SGCD: variants seen among roughly 807,000 people sequenced by gnomAD.
SGCD encodes the protein sarcoglycan delta, also known as delta-sarcoglycan.
SGCD carries 18 observed loss-of-function variants against 36.6 expected under a neutral mutation model. That is an observed-to-expected ratio of 0.49 (90% CI 0.34 to 0.73). The LOEUF (loss-of-function observed/expected upper bound fraction) is 0.73. Among genes scored for constraint, SGCD ranks in the 30% least tolerant of loss-of-function variants. The pLI, the probability that SGCD is intolerant of heterozygous loss-of-function variation, is 0.01. For synonymous variants in SGCD, 133 were observed against 130.6 expected, an observed-to-expected ratio of 1.02 and a Z score of -0.12; for missense variants, 387 against 346.7, an observed-to-expected ratio of 1.12 and a Z score of -0.92.
At chr5:156,194,156 A>G (rs1763964119) in intron 3 of SGCD, among the ~76,000 whole-genome samples, 3 of 152,168 alleles carry the variant, frequency 2.0e-5, no homozygotes, top group South Asian at 2.1e-4. Flanking sequence ...TGGGAAGATC[A>G]CTTGAGCCCA....
At chr5:156,307,782 T>A (rs984004705) in intron 3 of SGCD, among the ~76,000 whole-genome samples, 22 of 151,992 alleles carry the variant, frequency 1.4e-4, no homozygotes, top group Non-Finnish European at 2.8e-4. Flanking sequence ...CACAAACAAG[T>A]CTGCTGCTTT....
At chr5:156,353,708 C>T (rs1157072609) in intron 3 of SGCD, among the ~76,000 whole-genome samples, 1 of 152,194 alleles carries the variant, frequency 6.6e-6, no homozygotes, top group Non-Finnish European at 1.5e-5. Context: ...TGTGTGGTCA[C>T]TTTTAATCCA....
At chr5:156,316,036 C>T (rs1213615587) in intron 3 of SGCD, among the ~76,000 whole-genome samples, 1 of 151,902 alleles carries the variant, frequency 6.6e-6, no homozygotes, top group African/African-American at 2.4e-5. Flanking sequence ...AGAACTGTCT[C>T]TGTTTGAGGA....
chr5:156,626,421 G>A (rs1279458746), intron 6 of SGCD, among the ~76,000 whole-genome samples: 1 of 152,178 alleles, frequency 6.6e-6, no homozygotes, highest in East Asian at 1.9e-4. Flanking sequence ...CCTGAGCCTG[G>A]TCACAAAGTA....
chr5:156,114,117 A>C (rs1275380961), intron 1 of SGCD, among the ~76,000 whole-genome samples: 4 of 152,118 alleles, frequency 2.6e-5, no homozygotes, highest in Non-Finnish European at 5.9e-5. Flanking sequence ...AAGGCACAAC[A>C]CCAAGAATGA....
intron 3 of SGCD, among the ~76,000 whole-genome samples, chr5:156,126,279 A>T (rs1342729897): frequency 6.6e-6 from 1 of 152,084 alleles, no homozygotes; most frequent in Admixed American, 6.5e-5. Flanking sequence ...TGGGATTTTG[A>T]TTACTGAGGT....
the SGCD span, among the ~76,000 whole-genome samples, chr5:155,815,109 AT>A: frequency 1.3e-5 from 2 of 152,050 alleles, no homozygotes; most frequent in Non-Finnish European, 2.9e-5. Flanking sequence ...CTTATTTTTT[AT>A]TTCGGACATA....
chr5:155,944,432 C>G (rs1757397829), intron 1 of SGCD, among the ~76,000 whole-genome samples: 1 of 152,094 alleles, frequency 6.6e-6, no homozygotes, highest in Non-Finnish European at 1.5e-5. Context: ...TTTTCCTACT[C>G]AAATTGCACT....
At chr5:156,113,593 C>G (rs760606765) in intron 1 of SGCD, among the ~76,000 whole-genome samples, 3 of 152,148 alleles carry the variant, frequency 2.0e-5, no homozygotes, top group African/African-American at 7.2e-5. Context: ...CTGTAGAAGA[C>G]AGTTTGGCAG....
At chr5:156,676,001 G>C (rs2113670151) in intron 7 of SGCD, among the ~76,000 whole-genome samples, 1 of 152,202 alleles carries the variant, frequency 6.6e-6, no homozygotes, top group East Asian at 1.9e-4. Flanking sequence ...CTGCTGCCAG[G>C]AATCAATAGC....
intron 1 of SGCD, among the ~76,000 whole-genome samples, chr5:155,988,342 T>TC (rs565058187): frequency 6.0e-4 from 91 of 151,804 alleles, no homozygotes; most frequent in African/African-American, 2.1e-3. Flanking sequence ...TTTCCAAGAC[T>TC]CCCCCCCGAC....
the SGCD span, among the ~76,000 whole-genome samples, chr5:155,738,653 TGA>T: frequency 6.6e-6 from 1 of 151,620 alleles, no homozygotes; most frequent in East Asian, 1.9e-4. Flanking sequence ...TGTGTGTGTG[TGA>T]GAGAGTGTGT....
At chr5:155,729,981 C>T in the SGCD span, among the ~76,000 whole-genome samples, 2 of 152,148 alleles carry the variant, frequency 1.3e-5, no homozygotes, top group Non-Finnish European at 2.9e-5. Flanking sequence ...AGTTTCGCTC[C>T]TCTGTACTCC....
intron 3 of SGCD, among the ~76,000 whole-genome samples, chr5:156,395,019 C>T (rs1431856422): frequency 1.3e-5 from 2 of 152,150 alleles, no homozygotes; most frequent in East Asian, 3.9e-4. Flanking sequence ...CCTTAATTTA[C>T]TGAATGACAG....
At chr5:156,490,840 T>C (rs1360062434) in intron 3 of SGCD, among the ~76,000 whole-genome samples, 1 of 152,070 alleles carries the variant, frequency 6.6e-6, no homozygotes, top group Non-Finnish European at 1.5e-5. Flanking sequence ...AACATAGTAC[T>C]AGAAGTTCTA....
chr5:156,733,556 T>C (rs1224334501), intron 7 of SGCD, among the ~76,000 whole-genome samples: 2 of 151,932 alleles, frequency 1.3e-5, no homozygotes, highest in African/African-American at 2.4e-5. Flanking sequence ...GCTGAGTTCA[T>C]GTCTTGAATA....
chr5:156,530,448 C>A (rs1362945166), intron 4 of SGCD, among the ~76,000 whole-genome samples: 1 of 152,194 alleles, frequency 6.6e-6, no homozygotes, highest in Non-Finnish European at 1.5e-5. Flanking sequence ...CAGTTGCTAA[C>A]AAGCCAAAGT....
intron 3 of SGCD, among the ~76,000 whole-genome samples, chr5:156,211,603 G>T (rs1366773804): frequency 1.1e-4 from 14 of 126,382 alleles, no homozygotes; most frequent in Admixed American, 1.8e-4. Flanking sequence ...GCGAGACTCA[G>T]ACTCAAAAAA....
At chr5:156,133,423 C>A (rs1762374832) in intron 3 of SGCD, among the ~76,000 whole-genome samples, 1 of 152,110 alleles carries the variant, frequency 6.6e-6, no homozygotes, top group East Asian at 1.9e-4. Flanking sequence ...CTATTCTTTT[C>A]TTCCTACTTC....
Sources: allele counts gnomAD v4.1 joint callset (sites outside exome capture counted in the v4.1 genomes callset), GRCh38; gene constraint gnomAD v4.1.1; transcripts MANE v1.5; gene names NCBI Gene and HGNC (gene_info 2026-07-23, HGNC 2026-07-21).